Variants in CACNB4 observed in about 807,000 individuals in gnomAD.
CACNB4 encodes the protein calcium voltage-gated channel auxiliary subunit beta 4.
Under a neutral mutation model 71.2 loss-of-function variants are expected in CACNB4, and 32 were observed. The ratio of observed to expected loss-of-function variants is 0.45; its 90% confidence interval spans 0.34 to 0.60. The LOEUF is 0.60. Among genes scored for constraint, CACNB4 ranks in the 20% least tolerant of loss-of-function variants. The pLI is 0.01. For missense variants in CACNB4, 464 were observed against 647.9 expected, an observed-to-expected ratio of 0.72 and a Z score of 3.08; for synonymous variants, 231 against 236.9, an observed-to-expected ratio of 0.97 and a Z score of 0.23.
intron 4 of CACNB4, 38 bp from the exon 5 acceptor site, chr2:151,876,594 C>T: frequency 8.0e-7 from 1 of 1,254,204 alleles, no homozygotes; most frequent in Non-Finnish European, 1.1e-6. Flanking sequence ...AATAGTAATT[C>T]ACTTATCTTC....
chr2:152,037,698 C>A (rs561630044), intron 2 of CACNB4, among the ~76,000 whole-genome samples: 2 of 152,354 alleles, frequency 1.3e-5, no homozygotes, highest in East Asian at 1.9e-4. Context: ...TGACACTCTT[C>A]TTTTCCTAAG....
At chr2:151,899,249 G>C (rs1237448419) in intron 2 of CACNB4, among the ~76,000 whole-genome samples, 2 of 152,206 alleles carry the variant, frequency 1.3e-5, no homozygotes, top group African/African-American at 4.8e-5. Flanking sequence ...GGAAAATGCA[G>C]ACACAAAGAC....
upstream of CACNB4, chr2:152,099,094 AG>A: frequency 1.2e-6 from 1 of 867,864 alleles, no homozygotes. Context: ...ACGGAGGGGG[AG>A]GGCGCAGGAC....
intron 2 of CACNB4, chr2:152,048,732 T>C (rs1477350256): frequency 6.6e-6 from 1 of 152,282 alleles, no homozygotes; most frequent in Non-Finnish European, 1.5e-5. Flanking sequence ...CCACTGGTTA[T>C]AGGACCTTGG....
intron 2 of CACNB4, among the ~76,000 whole-genome samples, chr2:151,895,842 T>G (rs2099851918): frequency 2.3e-5 from 2 of 86,932 alleles, no homozygotes; most frequent in Admixed American, 3.8e-4. Context: ...TTATTAATTG[T>G]GTACTTTTTT....
At chr2:151,869,837 T>C (rs2099844148) in intron 8 of CACNB4, 1 of 234,306 alleles carries the variant, frequency 4.3e-6, no homozygotes, top group Non-Finnish European at 8.2e-6. Flanking sequence ...ACTGAGTGCC[T>C]ACTATGTGCC....
At chr2:151,896,672 C>A (rs1488987565) in intron 2 of CACNB4, among the ~76,000 whole-genome samples, 1 of 152,136 alleles carries the variant, frequency 6.6e-6, no homozygotes, top group South Asian at 2.1e-4. Flanking sequence ...GAGATGACAG[C>A]AAGGCTTGCT....
In CACNB4 at chr2:151,875,474, T is replaced by C. The variant is rs556233974; in HGVS notation, c.521+952A>G. 8.1e-3 allele frequency among the ~76,000 whole-genome samples: 1,240 copies of C among 152,152 alleles called. 6 individuals are homozygous for C. The highest frequency in any genetic ancestry group is 0.011 in the African/African-American group (471 of 41,498). On this transcript the variant is annotated intron_variant, in intron 5 of 13. Transcript: ENST00000539935. ...CCTTTTCTATTCCACAAAACCGCCATCGTCATCATGGCCCATTCTCAATGA... is the reference window on the plus strand; with the variant it reads ...CCTTTTCTATTCCACAAAACCGCCACCGTCATCATGGCCCATTCTCAATGA...
At chr2:151,971,625 T>TC (rs1357351753) in intron 2 of CACNB4, 1 of 702,934 alleles carries the variant, frequency 1.4e-6, no homozygotes, top group Non-Finnish European at 2.6e-6. Flanking sequence ...CTTCACCAGG[T>TC]CAGCTATTTA....
chr2:151,993,389 T>C (rs1256443008), intron 2 of CACNB4, among the ~76,000 whole-genome samples: 1 of 152,074 alleles, frequency 6.6e-6, no homozygotes. Context: ...AAAGTGGAAC[T>C]GGACGAGAAG....
At chr2:151,995,065 T>G (rs1681962940) in intron 2 of CACNB4, among the ~76,000 whole-genome samples, 1 of 152,200 alleles carries the variant, frequency 6.6e-6, no homozygotes, top group Non-Finnish European at 1.5e-5. Context: ...TTTACATCTC[T>G]CAGAAGTATA....
intron 2 of CACNB4, chr2:151,884,219 G>A (rs1461328216): frequency 6.6e-6 from 1 of 151,456 alleles, no homozygotes; most frequent in Non-Finnish European, 1.5e-5. Context: ...AGAATCGTTT[G>A]AACCCGGGAG....
intron 2 of CACNB4, among the ~76,000 whole-genome samples, chr2:152,090,434 A>G (rs575115708): frequency 2.6e-5 from 4 of 152,178 alleles, no homozygotes; most frequent in Non-Finnish European, 5.9e-5. Context: ...CGGGCGGATC[A>G]CCTGAGCTCA....
At chr2:151,924,035 T>C (rs560234630) in intron 2 of CACNB4, among the ~76,000 whole-genome samples, 28 of 149,946 alleles carry the variant, frequency 1.9e-4, no homozygotes, top group Admixed American at 8.6e-4. Flanking sequence ...CATTTATACA[T>C]GCATACATAC....
chr2:152,028,140 G>A (rs575344168), intron 2 of CACNB4, among the ~76,000 whole-genome samples: 1 of 152,248 alleles, frequency 6.6e-6, no homozygotes, highest in Non-Finnish European at 1.5e-5. Context: ...AGAGCAAAGA[G>A]GGCATGACCT....
At chr2:151,860,423 TGGA>T (rs2099841346) in intron 10 of CACNB4, 1 of 428,594 alleles carries the variant, frequency 2.3e-6, no homozygotes, top group African/African-American at 2.1e-5. Flanking sequence ...CTGAGCAAAG[TGGA>T]GATGACTGGT....
rs1251246467 is a variant in CACNB4, at chr2:151,836,684, C to G, written c.*2435G>C. 6.6e-6 allele frequency: 1 copy of G among 151,912 alleles called. No homozygotes were observed. Among genetic ancestry groups the G allele is most frequent in the Non-Finnish European group, 1.5e-5 (1 of 67,838 alleles). 9.4% of individuals were successfully genotyped at this position (151,912 alleles called of 1,614,324 possible). A position where few individuals can be genotyped will look rare whatever the true frequency, so the allele number is the denominator to read the frequency against. On this transcript the variant is annotated 3_prime_UTR_variant, in exon 14 of 14. Transcript: ENST00000539935. ...GTGCACAGATATTGAATGAGACTCT[C>G]TTTATCGGCATGACATGGAAGACTA...
At chr2:151,920,887 C>T (rs1189265388) in intron 2 of CACNB4, among the ~76,000 whole-genome samples, 1 of 152,044 alleles carries the variant, frequency 6.6e-6, no homozygotes, top group Non-Finnish European at 1.5e-5. Context: ...GCCTGTAATC[C>T]TAGCACTTTG....
At chr2:151,989,951 A>G (rs1681602378) in intron 2 of CACNB4, among the ~76,000 whole-genome samples, 1 of 151,918 alleles carries the variant, frequency 6.6e-6, no homozygotes, top group African/African-American at 2.4e-5. Flanking sequence ...ACAACTTTTG[A>G]ACCTCTCCTC....
Sources: allele counts gnomAD v4.1 joint callset (sites outside exome capture counted in the v4.1 genomes callset), GRCh38; gene constraint gnomAD v4.1.1; transcripts MANE v1.5; gene names NCBI Gene and HGNC (gene_info 2026-07-23, HGNC 2026-07-21).